Variants in RNF212 observed in about 807,000 individuals in gnomAD.
The protein encoded by RNF212 is ring finger protein 212.
In RNF212, 33 loss-of-function variants were observed where a neutral mutation model predicts 34.7. That is an observed-to-expected ratio of 0.95 (90% confidence interval 0.72 to 1.27). The LOEUF is 1.27. Among genes scored for constraint, RNF212 ranks in the 50% most tolerant of loss-of-function variants. The pLI, the probability that RNF212 is intolerant of heterozygous loss-of-function variation, is 0.00. For missense variants in RNF212, 377 were observed against 362.2 expected (o/e 1.04, Z -0.33); for synonymous variants, 140 against 136.1 (o/e 1.03, Z -0.20).
intron 2 of RNF212, chr4:1,100,215 C>G: frequency 3.4e-6 from 1 of 297,818 alleles, no homozygotes; most frequent in South Asian, 3.1e-5. Flanking sequence ...ATACTTCTAG[C>G]GTTAGGTCTT....
At chr4:1,084,368 G>T (rs945428550) in intron 5 of RNF212, among the ~76,000 whole-genome samples, 2 of 152,130 alleles carry the variant, frequency 1.3e-5, no homozygotes, top group African/African-American at 4.8e-5. Context: ...TCCACATAAG[G>T]TCTCCGTTGC....
rs923134638 is a variant in RNF212 at position 1,072,052 on chromosome 4, T to C, written c.*822A>G. 3 of 152,178 alleles carry C rather than the reference T, an allele frequency of 2.0e-5. No homozygotes were observed. Among genetic ancestry groups the C allele is most frequent in the Admixed American group, 6.5e-5 (1 of 15,286 alleles). The allele number at this position is 152,178 out of a possible 1,614,324, so 9.4% of individuals were successfully genotyped here. A position where few individuals can be genotyped will look rare whatever the true frequency, so the allele number is the denominator to read the frequency against. On this transcript the variant is annotated 3_prime_UTR_variant, in exon 10 of 10. Transcript: ENST00000433731. ...CAGTAGGTGAATGGATGAACTATGA[T>C]ACATCCAGATAATGGAATATTATTC...
At chr4:1,075,021 T>C (rs1269731081) in intron 8 of RNF212, among the ~76,000 whole-genome samples, 1 of 152,218 alleles carries the variant, frequency 6.6e-6, no homozygotes, top group Non-Finnish European at 1.5e-5. Context: ...AGAGAAAATC[T>C]CCGCAGAGCG....
intron 2 of RNF212, among the ~76,000 whole-genome samples, chr4:1,102,225 C>G (rs184390351): frequency 1.3e-5 from 2 of 152,118 alleles, no homozygotes; most frequent in Non-Finnish European, 2.9e-5. Flanking sequence ...AAAATGGACA[C>G]GATCAACAGA....
intron 1 of RNF212, among the ~76,000 whole-genome samples, chr4:1,109,699 T>C (rs957665396): frequency 1.2e-4 from 18 of 152,250 alleles, no homozygotes; most frequent in African/African-American, 3.8e-4. Context: ...CCCTGGCTCA[T>C]GACCTACCTC....
intron 8 of RNF212, 60 bp downstream of exon 8, chr4:1,079,583 A>G: frequency 8.5e-7 from 1 of 1,178,526 alleles, no homozygotes; most frequent in South Asian, 1.2e-5. Flanking sequence ...ACTACTGAGG[A>G]AAATGGGAAA....
intron 3 of RNF212, chr4:1,093,815 T>C (rs1270833215): frequency 2.0e-6 from 3 of 1,536,166 alleles, no homozygotes; most frequent in Non-Finnish European, 1.7e-6. Context: ...AGGTGCGTCC[T>C]GGATGGTGTT....
chr4:1,097,843 T>A (rs942949684), intron 2 of RNF212, among the ~76,000 whole-genome samples: 1 of 152,158 alleles, frequency 6.6e-6, no homozygotes, highest in Non-Finnish European at 1.5e-5. Context: ...GGTGGGCAGA[T>A]CGCTTGAGGT....
intron 4 of RNF212, among the ~76,000 whole-genome samples, chr4:1,087,411 G>A (rs1340906070): frequency 9.8e-6 from 1 of 101,886 alleles, no homozygotes; most frequent in East Asian, 3.2e-4. Context: ...GGATAGGTGG[G>A]GGCACCAGGA....
intron 1 of RNF212, among the ~76,000 whole-genome samples, chr4:1,112,791 C>T (rs1365307350): frequency 1.7e-5 from 2 of 116,762 alleles, no homozygotes; most frequent in African/African-American, 3.3e-5. Context: ...CGTCTCCCCT[C>T]CCCCCATCTC....
intron 3 of RNF212, among the ~76,000 whole-genome samples, chr4:1,060,446 C>T (rs1717675218): frequency 6.6e-6 from 1 of 152,200 alleles, no homozygotes; most frequent in Non-Finnish European, 1.5e-5. Flanking sequence ...CCACCCAGAG[C>T]TAGGCCAGCT....
At chr4:1,093,888 T>C (rs1309476843) in intron 3 of RNF212, 4 of 1,536,268 alleles carry the variant, frequency 2.6e-6, no homozygotes, top group South Asian at 2.4e-5. Flanking sequence ...CGTGTTGTGC[T>C]GACCCAGTGT....
chr4:1,084,738 A>T (rs942765880), intron 5 of RNF212, among the ~76,000 whole-genome samples: 64 of 151,594 alleles, frequency 4.2e-4, no homozygotes, highest in African/African-American at 1.5e-3. Flanking sequence ...AAAAAAAAAA[A>T]AAAAAAAAAA....
intron 4 of RNF212, among the ~76,000 whole-genome samples, chr4:1,088,901 G>C (rs1577724853): frequency 6.6e-6 from 1 of 152,368 alleles, no homozygotes; most frequent in East Asian, 1.9e-4. Context: ...TGAGATTTGG[G>C]AACCTCCACC....
intron 5 of RNF212, among the ~76,000 whole-genome samples, chr4:1,083,113 T>C (rs944535917): frequency 2.6e-5 from 4 of 151,676 alleles, no homozygotes; most frequent in African/African-American, 9.7e-5. Flanking sequence ...ATGTAGAGAG[T>C]GGGATTGGCC....
At chr4:1,089,402 T>G (rs1354570062) in intron 4 of RNF212, among the ~76,000 whole-genome samples, 5 of 152,250 alleles carry the variant, frequency 3.3e-5, no homozygotes, top group South Asian at 4.1e-4. Context: ...ACCCAATGCC[T>G]GTACTCCCAT....
At chr4:1,075,735 G>T (rs1030870457) in intron 8 of RNF212, among the ~76,000 whole-genome samples, 3 of 152,280 alleles carry the variant, frequency 2.0e-5, no homozygotes, top group Admixed American at 1.3e-4. Context: ...GTGCAGTGGG[G>T]CAGTCACTCA....
At chr4:1,067,985 A>G (rs1056926970), downstream of RNF212, among the ~76,000 whole-genome samples, 1 of 152,220 alleles carries the variant, frequency 6.6e-6, no homozygotes, top group Non-Finnish European at 1.5e-5. Flanking sequence ...TAATCAATGG[A>G]GAGACATAGC....
At chr4:1,100,890 C>T in intron 2 of RNF212, 1 of 163,870 alleles carries the variant, frequency 6.1e-6, no homozygotes, top group South Asian at 1.7e-4. Context: ...TCTCATGTCA[C>T]ATGAGCAAAT....
Sources: allele counts gnomAD v4.1 joint callset (sites outside exome capture counted in the v4.1 genomes callset), GRCh38; gene constraint gnomAD v4.1.1; transcripts MANE v1.5; gene names NCBI Gene and HGNC (gene_info 2026-07-23, HGNC 2026-07-21).